The following GTF2A2 variants were observed in gnomAD, a reference collection of about 807,000 sequenced individuals.
GTF2A2 encodes transcription initiation factor IIA subunit 2.
A neutral mutation model predicts 14.3 loss-of-function variants in GTF2A2; 9 were observed. The observed-to-expected ratio is 0.63, with a 90% CI of 0.38 to 1.10. The LOEUF is 1.10. GTF2A2 is among the 50% of genes least tolerant of loss of function. The pLI is 0.01. For synonymous variants in GTF2A2, 56 were observed against 46.0 expected, an observed-to-expected ratio of 1.22 and a Z score of -0.88; for missense variants, 90 against 124.6, an observed-to-expected ratio of 0.72 and a Z score of 1.32.
intron 3 of GTF2A2, among the ~76,000 whole-genome samples, chr15:59,647,495 C>A (rs1475462861): frequency 2.0e-5 from 3 of 152,140 alleles, no homozygotes; most frequent in African/African-American, 7.2e-5. Flanking sequence ...ACTTTTAACA[C>A]TTAATCATTT....
intron 3 of GTF2A2, among the ~76,000 whole-genome samples, chr15:59,648,663 A>C (rs974707381): frequency 6.6e-6 from 1 of 151,840 alleles, no homozygotes; most frequent in Non-Finnish European, 1.5e-5. Context: ...GGCCGGGCGC[A>C]GTGGCTCAAG....
chr15:59,647,241 C>T (rs1398164357), intron 3 of GTF2A2, among the ~76,000 whole-genome samples: 1 of 152,040 alleles, frequency 6.6e-6, no homozygotes, highest in Non-Finnish European at 1.5e-5. Context: ...TATGGGCACA[C>T]ACCATCACAC....
intron 4 of GTF2A2, among the ~76,000 whole-genome samples, chr15:59,641,634 TGAA>T (rs1223420465): frequency 2.6e-5 from 4 of 152,196 alleles, no homozygotes; most frequent in African/African-American, 2.4e-5. Context: ...TTTAAGGACC[TGAA>T]GAAGTTCCTA....
At chr15:59,648,322 C>T (rs533961697) in intron 3 of GTF2A2, among the ~76,000 whole-genome samples, 169 of 145,014 alleles carry the variant, frequency 1.2e-3, no homozygotes, top group African/African-American at 4.0e-3. Flanking sequence ...ACAGAAGAAT[C>T]GCTTGAACCC....
chr15:59,648,424 A>G (rs1891681928), intron 3 of GTF2A2, among the ~76,000 whole-genome samples: 1 of 147,230 alleles, frequency 6.8e-6, no homozygotes, highest in African/African-American at 2.5e-5. Flanking sequence ...AAAAAAGAAT[A>G]AATAAATAAA....
intron 3 of GTF2A2, among the ~76,000 whole-genome samples, chr15:59,648,894 A>T (rs1352704275): frequency 6.6e-6 from 1 of 152,182 alleles, no homozygotes; most frequent in Non-Finnish European, 1.5e-5. Flanking sequence ...AGATCTCGCC[A>T]CTGCACTCCA....
At position 59,652,274 on chromosome 15, in the gene GTF2A2, C is replaced by T. The variant is rs1486652468; in HGVS notation, c.4G>A (p.Ala2Thr). 6.3e-7 allele frequency: 1 copy of T among 1,585,620 alleles called. No homozygotes were observed. Among genetic ancestry groups the T allele is most frequent in the Non-Finnish European group, 8.6e-7 (1 of 1,156,746 alleles). Residue 2 changes from alanine to threonine, a missense_variant, in exon 2 of 5, where the codon GCA becomes ACA. Physicochemically the swap from Ala to Thr is moderately conservative, Grantham distance 58 (BLOSUM62 0). Coordinates refer to ENST00000396060, the MANE Select transcript of GTF2A2 (RefSeq NM_004492.3). M[A>T]YQLYRNTTLG... ...GTAGTATTTCTGTATAACTGATATG[C>T]CATGGCTTAGGAGGAAGAATTTGTT...
rs1891239905 is a variant in GTF2A2 at position 59,638,108 on chromosome 15, T to C, written c.*1024A>G. 2.0e-5 allele frequency: 3 copies of C among 152,200 alleles called. No homozygotes were observed. The highest frequency in any genetic ancestry group is 2.0e-4 in the Admixed American group (3 of 15,278). The allele number at this position is 152,200 out of a possible 1,614,324, so 9.4% of individuals were successfully genotyped here. A position where few individuals can be genotyped will look rare whatever the true frequency, so the allele number is the denominator to read the frequency against. On this transcript the variant is annotated 3_prime_UTR_variant, in exon 5 of 5. Transcript: ENST00000396060. ...TTTTCTTTGTAGGGACAGTCTATATTGGCCAGGCTGGTCTCCAACTCCTGG... is the reference window on the plus strand; with the variant it reads ...TTTTCTTTGTAGGGACAGTCTATATCGGCCAGGCTGGTCTCCAACTCCTGG...
rs1320235051 is a variant in GTF2A2, at chr15:59,638,296, T to A, written c.*836A>T. On this transcript the variant is annotated 3_prime_UTR_variant, in exon 5 of 5. Coordinates refer to ENST00000396060, the MANE Select transcript of GTF2A2 (RefSeq NM_004492.3). ...GCATCGAGGTAACAGCAAAAATCTTTTACTCCAATTGGGTCAATCCAGTTA... is the reference window on the plus strand; with the variant it reads ...GCATCGAGGTAACAGCAAAAATCTTATACTCCAATTGGGTCAATCCAGTTA... 1 of 152,096 alleles carries A rather than the reference T, an allele frequency of 6.6e-6. No homozygotes were observed. Among genetic ancestry groups the A allele is most frequent in the East Asian group, 1.9e-4 (1 of 5,196 alleles). The allele number at this position is 152,096 out of a possible 1,614,324, so 9.4% of individuals were successfully genotyped here. A position where few individuals can be genotyped will look rare whatever the true frequency, so the allele number is the denominator to read the frequency against.
At chr15:59,650,830 A>C in intron 2 of GTF2A2, 57 bp from the exon 3 acceptor site, 1 of 916,394 alleles carries the variant, frequency 1.1e-6, no homozygotes, top group Non-Finnish European at 1.8e-6. Flanking sequence ...AGACAAAGTA[A>C]ATAAAAATAT....
chr15:59,652,214 G>T lies in GTF2A2; in HGVS notation c.64C>A (p.Leu22Ile). The stretch of plus-strand genomic sequence containing the variant: ...TTAATTCAGTCTCCCACCTGTATGA[G>T]CTCATCTAGGCTCTCCTGAAGACTG... The part of the protein sequence containing the change: ...GNSLQESLDE[L>I]IQSQQITPQL... Residue 22 changes from leucine to isoleucine, a missense_variant, in exon 2 of 5, where the codon CTC becomes ATC. By Grantham distance (5) the Leu-to-Ile change is conservative. Transcript: ENST00000396060. 1.3e-6 allele frequency: 2 copies of T among 1,568,846 alleles called. No individual in the cohort carries two copies. Among genetic ancestry groups the T allele is most frequent in the Non-Finnish European group, 1.8e-6 (2 of 1,140,840 alleles).
At chr15:59,641,152 A>G (rs4274384) in intron 4 of GTF2A2, among the ~76,000 whole-genome samples, 151,599 of 151,660 alleles carry the variant, frequency 1, 75,769 homozygotes, top group Middle Eastern at 1. Context: ...CCAGGAGTTT[A>G]AGACCAGCCT....
At position 59,639,161 on chromosome 15, in the gene GTF2A2, GGAAACAAAAGA is replaced by G; in HGVS notation, c.305-15_305-5del. 2 of 1,444,424 alleles carry G rather than the reference GGAAACAAAAGA, an allele frequency of 1.4e-6. No homozygotes were observed. Among genetic ancestry groups the G allele is most frequent in the African/African-American group, 1.4e-5 (1 of 70,424 alleles). 89.5% of individuals were successfully genotyped at this position (1,444,424 alleles called of 1,614,324 possible). A position where few individuals can be genotyped will look rare whatever the true frequency, so the allele number is the denominator to read the frequency against. On this transcript the variant is annotated splice_polypyrimidine_tract_variant and splice_region_variant and intron_variant, in intron 4 of 4. Transcript: ENST00000396060. ...TCTGTAGTATTGGAGCCAGTATCTA[GGAAACAAAAGA>G]GAAAGTAAAGTAAAGTAAATTCAAG... is the stretch of plus-strand genomic sequence containing the variant.
intron 3 of GTF2A2, among the ~76,000 whole-genome samples, chr15:59,642,852 C>T (rs1040685077): frequency 6.6e-6 from 1 of 152,110 alleles, no homozygotes. Flanking sequence ...CTGCAACCTC[C>T]ACCTCCCAGG....
chr15:59,643,654 G>C, intron 3 of GTF2A2, among the ~76,000 whole-genome samples: 1 of 150,286 alleles, frequency 6.7e-6, no homozygotes, highest in Admixed American at 6.7e-5. Flanking sequence ...CTGGAGGGCA[G>C]GGGTGTAATC....
chr15:59,650,194 C>T (rs1466052161), intron 3 of GTF2A2, among the ~76,000 whole-genome samples: 1 of 152,182 alleles, frequency 6.6e-6, no homozygotes, highest in East Asian at 1.9e-4. Flanking sequence ...CCAGAATAGA[C>T]TGTTATCTAC....
At chr15:59,654,421 G>A (rs4627273) in intron 1 of GTF2A2, among the ~76,000 whole-genome samples, 152,117 of 152,332 alleles carry the variant, frequency 1, 75,951 homozygotes, top group Middle Eastern at 1. Flanking sequence ...TCTGGGTCAA[G>A]CATTACTCCA....
chr15:59,638,858 G>GTTATTACTCAGAGTTT lies in GTF2A2; in HGVS notation c.*258_*273dup. The GTTATTACTCAGAGTTT allele has an allele frequency of 2.8e-6, 1 of 358,010 alleles. No homozygotes were observed. Among genetic ancestry groups the GTTATTACTCAGAGTTT allele is most frequent in the Non-Finnish European group, 5.1e-6 (1 of 196,708 alleles). The allele number at this position is 358,010 out of a possible 1,614,324, so 22.2% of individuals were successfully genotyped here. A position where few individuals can be genotyped will look rare whatever the true frequency, so the allele number is the denominator to read the frequency against. On this transcript the variant is annotated 3_prime_UTR_variant, in exon 5 of 5. Coordinates refer to ENST00000396060, the MANE Select transcript of GTF2A2 (RefSeq NM_004492.3). ...TATTGCTACCTTAATAGCTTCACCA[G>GTTATTACTCAGAGTTT]TTATTACTCAGAGTTTTAAAATGAG... is the stretch of plus-strand genomic sequence containing the variant.
At chr15:59,648,459 A>G (rs2141963113) in intron 3 of GTF2A2, among the ~76,000 whole-genome samples, 1 of 113,400 alleles carries the variant, frequency 8.8e-6, no homozygotes, top group Admixed American at 9.9e-5. Flanking sequence ...AGTTACAAAT[A>G]CTACTTCAAT....
Sources: allele counts gnomAD v4.1 joint callset (sites outside exome capture counted in the v4.1 genomes callset), GRCh38; gene constraint gnomAD v4.1.1; transcripts MANE v1.5; gene names NCBI Gene and HGNC (gene_info 2026-07-23, HGNC 2026-07-21).